ZGPAT: variants seen among roughly 807,000 people sequenced by gnomAD.
ZGPAT encodes the protein zinc finger CCCH-type with G patch domain-containing protein.
In ZGPAT, 39 loss-of-function variants were observed where a neutral mutation model predicts 47.9. The observed-to-expected ratio is 0.81, with a 90% CI of 0.63 to 1.06. The LOEUF (loss-of-function observed/expected upper bound fraction) is 1.06, where lower values mean the gene tolerates loss of function less well. ZGPAT is among the 50% of genes least tolerant of loss of function. The pLI is 0.00. For missense variants in ZGPAT, 717 were observed against 681.4 expected (o/e 1.05, Z -0.58); for synonymous variants, 348 against 292.9 (o/e 1.19, Z -1.92).
chr20:63,724,363 TAAAA>T (rs59890523), intron 2 of ZGPAT, among the ~76,000 whole-genome samples: 2 of 124,648 alleles, frequency 1.6e-5, no homozygotes, highest in East Asian at 4.8e-4. Context: ...AGACTCTGCC[TAAAA>T]AAAAAAAAAA....
intron 2 of ZGPAT, 61 bp from the exon 3 acceptor site, chr20:63,733,158 T>A: frequency 6.3e-7 from 1 of 1,587,962 alleles, no homozygotes; most frequent in Admixed American, 1.7e-5. Context: ...TCAGTGCTCC[T>A]GGGTTGGTTT....
In ZGPAT at chr20:63,709,893, T is replaced by C. The variant is rs183391227; in HGVS notation, c.584+729T>C. Reference sequence around the variant, plus strand: ...ATCTTTTTTTTGAGATGGAGTCTTGTTCTGTTGCCCAGGCTGGAGTGCAGT... The same window carrying C: ...ATCTTTTTTTTGAGATGGAGTCTTGCTCTGTTGCCCAGGCTGGAGTGCAGT... On this transcript the variant is annotated intron_variant, in intron 2 of 6. Transcript: ENST00000355969. Among the ~76,000 whole-genome samples the C allele has an allele frequency of 4.6e-4, 70 of 151,918 alleles. 1 individual carries two copies. The East Asian group carries it at 0.012, about 25-fold the overall frequency.
rs188470992 is a variant in ZGPAT at position 63,717,273 on chromosome 20, T to C, written c.584+8109T>C. 3.1e-4 allele frequency among the ~76,000 whole-genome samples: 47 copies of C among 152,060 alleles called. No individual in the cohort carries two copies. The East Asian group carries it at 8.9e-3, about 29-fold the overall frequency. ...GTTTGGGTTTAATTTGCTCTTTTTT[T>C]CCCCTAATTTTTCAAGGTATACAGT... On this transcript the variant is annotated intron_variant, in intron 2 of 6. Transcript: ENST00000355969.
Position 63,735,823 on chromosome 20 carries a change from AGCCCAGCGCCAGCTGGG to A in ZGPAT, c.1443_1459del (p.Gln482AlafsTer23), listed in dbSNP as rs1171676083. On this transcript the variant is annotated frameshift_variant, in exon 7 of 7. Coordinates refer to ENST00000355969, the MANE Select transcript of ZGPAT (RefSeq NM_181485.3). LOFTEE classifies it high-confidence loss of function. ...CCCAGCTGCAGGAGAAGCTGGCAGGAGCCCAGCGCCAGCTGGGGCAGCTCCGGGCTCAGGAAGCCGGC... is the reference window on the plus strand; with the variant it reads ...CCCAGCTGCAGGAGAAGCTGGCAGGAGCAGCTCCGGGCTCAGGAAGCCGGC... 6.2e-7 allele frequency: 1 copy of A among 1,611,790 alleles called. No homozygotes were observed. Among genetic ancestry groups the A allele is most frequent in the Non-Finnish European group, 8.5e-7 (1 of 1,179,500 alleles).
intron 1 of ZGPAT, 126 bp downstream of exon 1, chr20:63,708,244 G>A (rs933212399): frequency 1.2e-5 from 2 of 164,038 alleles, no homozygotes; most frequent in Non-Finnish European, 2.6e-5. Flanking sequence ...CGCCGGGCGG[G>A]GGGGCGCGGC....
chr20:63,717,327 C>CTTTTTTTTT (rs2091739812), intron 2 of ZGPAT, among the ~76,000 whole-genome samples: 2 of 93,474 alleles, frequency 2.1e-5, no homozygotes, highest in African/African-American at 4.0e-5. Context: ...TCTCTTTTTT[C>CTTTTTTTTT]TTTTCTTTTT....
chr20:63,710,754 T>TC (rs1324426450), intron 2 of ZGPAT, among the ~76,000 whole-genome samples: 2 of 152,182 alleles, frequency 1.3e-5, no homozygotes, highest in Admixed American at 1.3e-4. Context: ...TTTTTGGAAG[T>TC]CCAAGTCCGA....
At chr20:63,732,638 G>C (rs1198580791) in intron 2 of ZGPAT, among the ~76,000 whole-genome samples, 2 of 91,522 alleles carry the variant, frequency 2.2e-5, no homozygotes, top group African/African-American at 9.2e-5. Context: ...TGACGTGTGA[G>C]TACATGTGTT....
chr20:63,733,073 TGA>T (rs1568801125), intron 2 of ZGPAT, 144 bp from the exon 3 acceptor site: 16 of 1,011,682 alleles, frequency 1.6e-5, no homozygotes, highest in African/African-American at 1.3e-4. Context: ...TGTGTGTGCG[TGA>T]GTGTGTGAGA....
At chr20:63,719,514 G>A (rs2091765939) in intron 2 of ZGPAT, among the ~76,000 whole-genome samples, 1 of 151,910 alleles carries the variant, frequency 6.6e-6, no homozygotes, top group Admixed American at 6.6e-5. Context: ...CTGTCCTCAA[G>A]TTCACTGTTT....
intron 2 of ZGPAT, among the ~76,000 whole-genome samples, chr20:63,710,272 C>T (rs1187622280): frequency 2.0e-5 from 3 of 151,910 alleles, no homozygotes; most frequent in African/African-American, 7.3e-5. Flanking sequence ...TCTACCTCAG[C>T]GTCCAGAGTA....
intron 2 of ZGPAT, among the ~76,000 whole-genome samples, chr20:63,716,726 A>G (rs2091732946): frequency 1.3e-5 from 2 of 152,106 alleles, no homozygotes; most frequent in Admixed American, 6.6e-5. Flanking sequence ...TCTGTCTCCC[A>G]GGCTGGAGTG....
At position 63,708,899 on chromosome 20, in the gene ZGPAT, G is replaced by A. The variant is rs760116753; in HGVS notation, c.319G>A (p.Ala107Thr). ...RGSGSETVPK[A>T]EAGPESAAGG... ...GTCCGGATCAGAGACCGTTCCTAAAGCAGAGGCGGGGCCAGAATCTGCGGC... is the reference window on the plus strand; with the variant it reads ...GTCCGGATCAGAGACCGTTCCTAAAACAGAGGCGGGGCCAGAATCTGCGGC... The change falls in exon 2 of 7, where the codon GCA (alanine) becomes ACA (threonine). Residue 107 changes from alanine (A) to threonine (T), a missense_variant. Transcript: ENST00000355969. The A allele has an allele frequency of 6.2e-6, 10 of 1,612,344 alleles. No homozygotes were observed. The Admixed American group carries it at 1.2e-4, about 19-fold the overall frequency.
intron 2 of ZGPAT, among the ~76,000 whole-genome samples, chr20:63,732,775 C>T (rs6011065): frequency 0.045 from 6,573 of 146,954 alleles, 479 homozygotes; most frequent in African/African-American, 0.16. Context: ...TATGTATATG[C>T]GTGTGTGTAT....
upstream of ZGPAT, chr20:63,707,532 G>A (rs2091548766): frequency 1.8e-5 from 3 of 166,874 alleles, no homozygotes; most frequent in South Asian, 2.8e-4. Context: ...CCACCGGCGC[G>A]CTCCCCAGGA....
chr20:63,722,963 A>G (rs755228733), intron 2 of ZGPAT, among the ~76,000 whole-genome samples: 1 of 152,132 alleles, frequency 6.6e-6, no homozygotes, highest in Non-Finnish European at 1.5e-5. Flanking sequence ...ACATAGATCT[A>G]CTTCCGTTGT....
intron 2 of ZGPAT, among the ~76,000 whole-genome samples, chr20:63,716,467 G>C (rs1207653430): frequency 1.3e-5 from 2 of 151,322 alleles, no homozygotes; most frequent in Non-Finnish European, 2.9e-5. Flanking sequence ...AGTAGTAATA[G>C]CTCCACTTTC....
intron 2 of ZGPAT, among the ~76,000 whole-genome samples, chr20:63,731,911 A>G (rs1007675561): frequency 7.9e-5 from 12 of 152,210 alleles, no homozygotes; most frequent in Non-Finnish European, 1.5e-4. Context: ...GGGATGATTT[A>G]AAGTACGTGG....
At chr20:63,721,697 CACA>C (rs1310852947) in intron 2 of ZGPAT, among the ~76,000 whole-genome samples, 3 of 152,106 alleles carry the variant, frequency 2.0e-5, no homozygotes, top group Non-Finnish European at 4.4e-5. Context: ...GTCCCTCCCC[CACA>C]ACTTCAGGTA....
Sources: allele counts gnomAD v4.1 joint callset (sites outside exome capture counted in the v4.1 genomes callset), GRCh38; gene constraint gnomAD v4.1.1; transcripts MANE v1.5; gene names NCBI Gene and HGNC (gene_info 2026-07-23, HGNC 2026-07-21).